The following AFG2A variants were observed in gnomAD, a reference collection of about 807,000 sequenced individuals.
AFG2A encodes the protein AAA ATPase AFG2A, also known as ATPase family gene 2 protein homolog A.
chr4:123,133,285 T>C, the AFG2A span, among the ~76,000 whole-genome samples: 1 of 152,196 alleles, frequency 6.6e-6, no homozygotes, highest in Non-Finnish European at 1.5e-5. Flanking sequence ...TTTGAAACAA[T>C]GACAACATTG....
At chr4:123,123,589 G>A in the AFG2A span, among the ~76,000 whole-genome samples, 1 of 152,052 alleles carries the variant, frequency 6.6e-6, no homozygotes, top group Non-Finnish European at 1.5e-5. Context: ...CTGGCCATCA[G>A]AGAAATGCAA....
At chr4:123,210,571 T>A in the AFG2A span, among the ~76,000 whole-genome samples, 2 of 152,220 alleles carry the variant, frequency 1.3e-5, no homozygotes, top group Non-Finnish European at 2.9e-5. Context: ...ACATTTTCTT[T>A]ATCCGTTCAT....
At chr4:123,226,537 G>T in the AFG2A span, among the ~76,000 whole-genome samples, 3 of 152,178 alleles carry the variant, frequency 2.0e-5, no homozygotes, top group Admixed American at 6.5e-5. Context: ...TGTTGAACCA[G>T]CCTTGCATCC....
the AFG2A span, among the ~76,000 whole-genome samples, chr4:123,146,446 T>G: frequency 2.0e-5 from 3 of 152,126 alleles, no homozygotes; most frequent in African/African-American, 7.2e-5. Flanking sequence ...GGGGACAAGA[T>G]GGGTAAGGAA....
chr4:122,934,317 T>C, the AFG2A span: 1 of 1,614,162 alleles, frequency 6.2e-7, no homozygotes, highest in Non-Finnish European at 8.5e-7. Context: ...ATCTGGAGGA[T>C]ACCCAGATCC....
chr4:122,958,530 T>C, the AFG2A span, among the ~76,000 whole-genome samples: 1,696 of 152,328 alleles, frequency 0.011, 45 homozygotes, highest in African/African-American at 0.038. Flanking sequence ...TTCACATGTT[T>C]TTAATTCAGG....
chr4:122,948,569 G>T, the AFG2A span, among the ~76,000 whole-genome samples: 2 of 152,098 alleles, frequency 1.3e-5, no homozygotes, highest in African/African-American at 2.4e-5. Flanking sequence ...TGTCATGCTG[G>T]ACCCCTATTA....
the AFG2A span, among the ~76,000 whole-genome samples, chr4:123,017,128 GAGACCGTGGGGAGA>G: frequency 7.1e-6 from 1 of 141,178 alleles, no homozygotes; most frequent in Non-Finnish European, 1.5e-5. Flanking sequence ...GAGGGAGAGG[GAGACCGTGGGGAGA>G]GGGAGAGGGG....
the AFG2A span, among the ~76,000 whole-genome samples, chr4:122,970,168 T>C: frequency 1.3e-5 from 2 of 152,260 alleles, no homozygotes; most frequent in East Asian, 3.8e-4. Context: ...GCCTCATTCA[T>C]GGTAAGTGCC....
At chr4:123,021,382 T>G in the AFG2A span, among the ~76,000 whole-genome samples, 1 of 152,188 alleles carries the variant, frequency 6.6e-6, no homozygotes, top group African/African-American at 2.4e-5. Context: ...AATCTTAAAT[T>G]TATAGCTCAC....
chr4:123,308,041 A>G, the AFG2A span, among the ~76,000 whole-genome samples: 1 of 152,228 alleles, frequency 6.6e-6, no homozygotes, highest in South Asian at 2.1e-4. Context: ...CACTGTTTGT[A>G]AATTTTCTGA....
the AFG2A span, among the ~76,000 whole-genome samples, chr4:123,217,312 TA>T: frequency 1.2e-4 from 19 of 152,240 alleles, no homozygotes; most frequent in Admixed American, 3.3e-4. Flanking sequence ...GCAGTGTTGT[TA>T]AATAGAAAAG....
At chr4:123,091,343 A>G in the AFG2A span, among the ~76,000 whole-genome samples, 3 of 152,224 alleles carry the variant, frequency 2.0e-5, no homozygotes, top group South Asian at 6.2e-4. Flanking sequence ...TTTTATTTAC[A>G]TTTTTATTGC....
At chr4:123,099,839 G>A in the AFG2A span, among the ~76,000 whole-genome samples, 2 of 151,588 alleles carry the variant, frequency 1.3e-5, no homozygotes, top group East Asian at 3.9e-4. Flanking sequence ...AGTTCCATTG[G>A]TTATTAGCTT....
the AFG2A span, among the ~76,000 whole-genome samples, chr4:123,120,368 G>A: frequency 6.6e-6 from 1 of 151,686 alleles, no homozygotes; most frequent in Non-Finnish European, 1.5e-5. Context: ...AATAATTAAG[G>A]GCTAAAAAAA....
the AFG2A span, chr4:122,934,633 T>G: frequency 1.2e-6 from 2 of 1,613,882 alleles, no homozygotes; most frequent in Non-Finnish European, 1.7e-6. Flanking sequence ...AGACAACCAA[T>G]TCAAAGTAAC....
the AFG2A span, among the ~76,000 whole-genome samples, chr4:123,311,784 A>T: frequency 6.7e-6 from 1 of 150,326 alleles, no homozygotes; most frequent in Non-Finnish European, 1.5e-5. Flanking sequence ...CACTACCTAC[A>T]TTTATTTACT....
the AFG2A span, among the ~76,000 whole-genome samples, chr4:123,140,076 A>G: frequency 6.6e-6 from 1 of 152,048 alleles, no homozygotes; most frequent in Non-Finnish European, 1.5e-5. Context: ...AATTTTGGTA[A>G]CTGTTTCAGG....
chr4:122,929,027 CTCTG>C, the AFG2A span: 2 of 1,607,920 alleles, frequency 1.2e-6, no homozygotes, highest in African/African-American at 1.3e-5. Flanking sequence ...TTTTTATTTC[CTCTG>C]TCTGGCAGGT....
Sources: allele counts gnomAD v4.1 joint callset (sites outside exome capture counted in the v4.1 genomes callset), GRCh38; gene constraint gnomAD v4.1.1; transcripts MANE v1.5; gene names NCBI Gene and HGNC (gene_info 2026-07-23, HGNC 2026-07-21).